Variants in LOXHD1 observed in about 807,000 individuals in gnomAD.
The protein encoded by LOXHD1 is lipoxygenase homology PLAT domains 1.
Under a neutral mutation model 248.2 loss-of-function variants are expected in LOXHD1, and 205 were observed. The observed-to-expected ratio is 0.83, with a 90% CI of 0.74 to 0.93. LOXHD1 has a LOEUF of 0.93. LOXHD1 is among the 40% of genes least tolerant of loss of function. LOXHD1 has a pLI of 0.00. For synonymous variants in LOXHD1, 1,113 were observed against 1,162.8 expected (o/e 0.96, Z 0.87); for missense variants, 2,930 against 2,971.6 (o/e 0.99, Z 0.33).
rs375263279 is a variant in LOXHD1, at chr18:46,515,453, T to C, written c.5399+2676A>G. Among the ~76,000 whole-genome samples the C allele has an allele frequency of 5.3e-5, 8 of 151,804 alleles. No homozygotes were observed. The East Asian group carries it at 1.4e-3, about 26-fold the overall frequency. ...AGAAATGATGGCTCCCCTCACAAAA[T>C]AAATCTTTATTCAGAAAAAAAAAAT... On this transcript the variant is annotated intron_variant, in intron 34 of 40. Coordinates refer to ENST00000642948, the MANE Select transcript of LOXHD1 (RefSeq NM_001384474.1).
chr18:46,626,317 T>C (rs1302471415), intron 4 of LOXHD1, among the ~76,000 whole-genome samples: 1 of 150,618 alleles, frequency 6.6e-6, no homozygotes, highest in Non-Finnish European at 1.5e-5. Context: ...TTTGGGATTA[T>C]ACTTGAAGTC....
chr18:46,522,457 A>G, intron 31 of LOXHD1, 148 bp from the exon 32 acceptor site: 2 of 649,346 alleles, frequency 3.1e-6, no homozygotes, highest in Non-Finnish European at 5.3e-6. Context: ...TCAGACTGGT[A>G]AGTTATCTGT....
intron 4 of LOXHD1, among the ~76,000 whole-genome samples, chr18:46,632,831 T>C (rs952590401): frequency 6.6e-6 from 1 of 152,152 alleles, no homozygotes; most frequent in African/African-American, 2.4e-5. Context: ...GGCTGCTAAC[T>C]CCCTGTGCCG....
At chr18:46,645,332 G>A (rs567289131) in intron 2 of LOXHD1, among the ~76,000 whole-genome samples, 1 of 152,192 alleles carries the variant, frequency 6.6e-6, no homozygotes, top group South Asian at 2.1e-4. Context: ...GCAGTGCACA[G>A]CCCCTGCCAT....
intron 12 of LOXHD1, among the ~76,000 whole-genome samples, chr18:46,585,681 C>T (rs4306617): frequency 0.27 from 40,437 of 152,000 alleles, 5,769 homozygotes; most frequent in East Asian, 0.35. Flanking sequence ...TAGAAATTGA[C>T]AAGCTGATTC....
intron 4 of LOXHD1, among the ~76,000 whole-genome samples, chr18:46,634,655 GA>G (rs1201450341): frequency 4.7e-5 from 7 of 150,050 alleles, no homozygotes; most frequent in Admixed American, 6.6e-5. Flanking sequence ...AAAATCTGGA[GA>G]AAAAAAAAAT....
At chr18:46,608,439 G>T (rs146751332) in intron 6 of LOXHD1, among the ~76,000 whole-genome samples, 55 of 152,236 alleles carry the variant, frequency 3.6e-4, no homozygotes, top group African/African-American at 1.3e-3. Context: ...GAGTTCAAGA[G>T]GGTGAAACTG....
intron 21 of LOXHD1, chr18:46,555,402 G>A (rs2037282847): frequency 3.5e-6 from 1 of 284,388 alleles, no homozygotes; most frequent in Non-Finnish European, 7.1e-6. Context: ...CGGTCTTTAT[G>A]TGGTTTCACA....
chr18:46,538,846 G>A (rs11082533), intron 25 of LOXHD1, among the ~76,000 whole-genome samples: 3 of 151,972 alleles, frequency 2.0e-5, no homozygotes, highest in African/African-American at 4.8e-5. Context: ...ACTCTTCTCC[G>A]TATCCCCTGC....
At chr18:46,543,914 C>G (rs2036679628) in intron 23 of LOXHD1, among the ~76,000 whole-genome samples, 1 of 152,152 alleles carries the variant, frequency 6.6e-6, no homozygotes, top group Non-Finnish European at 1.5e-5. Flanking sequence ...ATCTCTGGAG[C>G]ATCTTCTCTG....
In LOXHD1 at chr18:46,505,858, C is replaced by T. The variant is rs1026131840; in HGVS notation, c.5858G>A (p.Arg1953Lys). 5 of 1,551,612 alleles carry T rather than the reference C, an allele frequency of 3.2e-6. No individual in the cohort carries two copies. In the African/African-American group the frequency reaches 5.5e-5, roughly 17 times the overall value. The change falls in exon 37 of 41, where the codon AGG (arginine) becomes AAG (lysine). Residue 1953 changes from arginine (R) to lysine (K), a missense_variant. Coordinates refer to ENST00000642948, the MANE Select transcript of LOXHD1 (RefSeq NM_001384474.1). ...GCTACCTTTGTTGTCGTGCCAGACC[C>T]TCAGCTTGCAGAGGTGGCCCAAGCT... The part of the protein sequence containing the change: ...MLSLGHLCKL[R>K]VWHDNKGIFP...
chr18:46,604,335 TG>T, intron 6 of LOXHD1, 106 bp from the exon 7 acceptor site: 1 of 1,426,976 alleles, frequency 7.0e-7, no homozygotes, highest in East Asian at 2.5e-5. Flanking sequence ...AAGAATGTAC[TG>T]ATATCTGTTT....
At chr18:46,552,104 T>C (rs1411757403) in intron 21 of LOXHD1, among the ~76,000 whole-genome samples, 1 of 152,250 alleles carries the variant, frequency 6.6e-6, no homozygotes, top group Non-Finnish European at 1.5e-5. Context: ...TCATGCAAGA[T>C]GAAAAAAATC....
At chr18:46,567,151 T>C (rs1453788858) in intron 16 of LOXHD1, among the ~76,000 whole-genome samples, 2 of 152,234 alleles carry the variant, frequency 1.3e-5, no homozygotes, top group Non-Finnish European at 2.9e-5. Context: ...AATGTTTGGA[T>C]TGCTTTTATG....
At chr18:46,560,580 C>A in intron 18 of LOXHD1, 35 bp from the exon 19 acceptor site, 1 of 1,489,422 alleles carries the variant, frequency 6.7e-7, no homozygotes, top group Non-Finnish European at 8.9e-7. Flanking sequence ...TGTCGTGGCC[C>A]CAGCGTCCTC....
chr18:46,560,444 G>A lies in LOXHD1; in HGVS notation c.2700C>T (p.His900=), dbSNP rs1240219263. The A allele has an allele frequency of 3.9e-6, 6 of 1,544,348 alleles. No individual in the cohort carries two copies. The highest frequency in any genetic ancestry group is 4.4e-6 in the Non-Finnish European group (5 of 1,147,024). Residue 900 remains histidine, a synonymous_variant, in exon 19 of 41, where the codon CAC becomes CAT. Transcript: ENST00000642948. The stretch of plus-strand genomic sequence containing the variant: ...TGAGGTCCACCTCCCGCACCACCAG[G>A]TGCCGCAGCCACACGGTGTCCACGA... ...SWFVDTVWLR[H]LVVREVDLTP...
At chr18:46,589,902 AG>A (rs898282142) in intron 12 of LOXHD1, among the ~76,000 whole-genome samples, 19 of 152,184 alleles carry the variant, frequency 1.2e-4, no homozygotes, top group Non-Finnish European at 2.2e-4. Context: ...CAAGGCAAAG[AG>A]GGGGTGGAAG....
At chr18:46,647,590 G>A (rs1045662628) in intron 2 of LOXHD1, among the ~76,000 whole-genome samples, 9 of 152,296 alleles carry the variant, frequency 5.9e-5, no homozygotes, top group Admixed American at 1.3e-4. Flanking sequence ...TCTCTTTACC[G>A]TGCCCACATC....
chr18:46,582,209 T>C (rs1022185257), intron 12 of LOXHD1, among the ~76,000 whole-genome samples: 6 of 152,188 alleles, frequency 3.9e-5, no homozygotes, highest in Admixed American at 1.3e-4. Context: ...GCAGTAAATA[T>C]AGAGCTGCAC....
Sources: allele counts gnomAD v4.1 joint callset (sites outside exome capture counted in the v4.1 genomes callset), GRCh38; gene constraint gnomAD v4.1.1; transcripts MANE v1.5; gene names NCBI Gene and HGNC (gene_info 2026-07-23, HGNC 2026-07-21).